Variants in PROM1 observed in about 807,000 individuals in gnomAD.
PROM1 encodes prominin 1.
PROM1 carries 105 observed loss-of-function variants against 116.9 expected under a neutral mutation model. The observed-to-expected ratio is 0.90, with a 90% CI of 0.77 to 1.06. The LOEUF (loss-of-function observed/expected upper bound fraction) is 1.06. PROM1 is among the 50% of genes least tolerant of loss of function. PROM1 has a pLI of 0.00. For missense variants in PROM1, 1,122 were observed against 1,045.2 expected (o/e 1.07, Z -1.01); for synonymous variants, 393 against 387.0 (o/e 1.02, Z -0.18).
intron 2 of PROM1, among the ~76,000 whole-genome samples, chr4:16,071,440 C>G (rs1020921657): frequency 2.0e-4 from 30 of 152,200 alleles, no homozygotes; most frequent in Admixed American, 5.2e-4. Context: ...TCCTGAATAT[C>G]TGTGTCCCCT....
chr4:16,072,357 C>T (rs1743007307), intron 2 of PROM1, among the ~76,000 whole-genome samples: 2 of 152,148 alleles, frequency 1.3e-5, no homozygotes, highest in Admixed American at 1.3e-4. Context: ...AAAGAGGAAG[C>T]ACAGGCTCCA....
intron 2 of PROM1, among the ~76,000 whole-genome samples, chr4:16,051,576 G>A (rs1307282871): frequency 6.6e-6 from 1 of 152,206 alleles, no homozygotes; most frequent in East Asian, 1.9e-4. Context: ...TGCTGAGTGT[G>A]GGGTTTTGGC....
chr4:15,969,100 G>A lies in PROM1; in HGVS notation c.*293C>T, dbSNP rs142451871. ...AATGGGAACAAACACCCCATATGTT[G>A]TAGTGTCTAAATAGAAACTCAGTGT... On this transcript the variant is annotated 3_prime_UTR_variant, in exon 28 of 28. Transcript: ENST00000447510. 1.3e-5 allele frequency: 2 copies of A among 152,302 alleles called. No individual in the cohort carries two copies. The highest frequency in any genetic ancestry group is 1.9e-4 in the East Asian group (1 of 5,176). The allele number at this position is 152,302 out of a possible 1,614,324, so 9.4% of individuals were successfully genotyped here. A position where few individuals can be genotyped will look rare whatever the true frequency, so the allele number is the denominator to read the frequency against.
intron 5 of PROM1, among the ~76,000 whole-genome samples, chr4:16,026,391 A>T (rs971652807): frequency 2.0e-5 from 3 of 152,154 alleles, no homozygotes; most frequent in African/African-American, 7.2e-5. Flanking sequence ...AACATAGCCG[A>T]ACTATTTTTA....
intron 2 of PROM1, among the ~76,000 whole-genome samples, chr4:16,069,234 C>T (rs1306032104): frequency 6.6e-6 from 1 of 151,424 alleles, no homozygotes; most frequent in African/African-American, 2.4e-5. Context: ...GACTCTGCCT[C>T]GAAAAAAACA....
rs550594110 is a variant in PROM1 at position 16,067,264 on chromosome 4, C to T, written c.220+8423G>A. On this transcript the variant is annotated intron_variant, in intron 2 of 27. Transcript: ENST00000447510. ...GCCTCTTAGCCATCAGGGTGTGTGA[C>T]CCTAGACACTCCTTAGCCTCTGAGT... Among the ~76,000 whole-genome samples, 3 of 152,166 alleles carry T rather than the reference C, an allele frequency of 2.0e-5. No homozygotes were observed. In the South Asian group the frequency reaches 6.2e-4, roughly 32 times the overall value.
At position 15,993,981 on chromosome 4, in the gene PROM1, A is replaced by G. The variant is rs1721689362; in HGVS notation, c.1767+6T>C. The stretch of plus-strand genomic sequence containing the variant: ...TTATGTCGATTCCATGACGAGTTCT[A>G]ATTACCTCATTAATGTTGAGATGTT... On this transcript the variant is annotated splice_donor_region_variant and intron_variant, in intron 16 of 27. Coordinates refer to ENST00000447510, the MANE Select transcript of PROM1 (RefSeq NM_006017.3). 4 of 1,608,450 alleles carry G rather than the reference A, an allele frequency of 2.5e-6. No individual in the cohort carries two copies. The highest frequency in any genetic ancestry group is 3.4e-6 in the Non-Finnish European group (4 of 1,175,390).
intron 13 of PROM1, among the ~76,000 whole-genome samples, chr4:16,004,832 T>TCTTCCTTCCTTCCTTC (rs561919636): frequency 7.0e-4 from 86 of 122,600 alleles, no homozygotes; most frequent in African/African-American, 2.3e-3. Flanking sequence ...TCTTTCTTTT[T>TCTTCCTTCCTTCCTTC]CTTCCTTCCT....
chr4:16,026,555 G>A (rs552292264), intron 5 of PROM1, among the ~76,000 whole-genome samples: 1 of 152,250 alleles, frequency 6.6e-6, no homozygotes, highest in East Asian at 1.9e-4. Context: ...CAAAAGCAAT[G>A]TCTTGAGGCT....
intron 2 of PROM1, among the ~76,000 whole-genome samples, chr4:16,062,725 A>T (rs1380875408): frequency 1.3e-5 from 2 of 152,244 alleles, no homozygotes; most frequent in Non-Finnish European, 2.9e-5. Flanking sequence ...AACTTCTAAC[A>T]ATTAACGCCT....
At chr4:15,972,351 A>G (rs4698130) in intron 26 of PROM1, among the ~76,000 whole-genome samples, 85,905 of 152,072 alleles carry the variant, frequency 0.56, 24,519 homozygotes, top group South Asian at 0.7. Flanking sequence ...AAGTCCAAGA[A>G]CCTGGTGCTG....
In PROM1 at chr4:15,993,660, T is replaced by C. The variant is rs149593339; in HGVS notation, c.1767+327A>G. On this transcript the variant is annotated intron_variant, in intron 16 of 27. Coordinates refer to ENST00000447510, the MANE Select transcript of PROM1 (RefSeq NM_006017.3). The stretch of plus-strand genomic sequence containing the variant: ...AGTGAGAGCCTTCCTGAGGAACAAA[T>C]AGGGATTGTTCCCACAAAAACGTCT... Among the ~76,000 whole-genome samples, 7 of 152,218 alleles carry C rather than the reference T, an allele frequency of 4.6e-5. No homozygotes were observed. The East Asian group carries it at 1.2e-3, about 25-fold the overall frequency.
At chr4:16,003,130 G>T (rs1724296276) in intron 13 of PROM1, 1 of 364,356 alleles carries the variant, frequency 2.7e-6, no homozygotes, top group East Asian at 7.4e-5. Context: ...CCTTTCAAAT[G>T]CATTATCTTA....
At chr4:16,015,523 C>CCA (rs1728143078) in intron 10 of PROM1, among the ~76,000 whole-genome samples, 1 of 151,530 alleles carries the variant, frequency 6.6e-6, no homozygotes, top group African/African-American at 2.4e-5. Context: ...AACCTCATCT[C>CCA]CACTAAAAAT....
intron 26 of PROM1, among the ~76,000 whole-genome samples, chr4:15,972,903 G>A (rs1009789056): frequency 6.6e-5 from 10 of 152,124 alleles, no homozygotes; most frequent in African/African-American, 1.9e-4. Context: ...CTGAGCAGCC[G>A]GACAACAGAG....
chr4:15,973,451 C>T (rs1715181878), intron 26 of PROM1, among the ~76,000 whole-genome samples: 1 of 151,776 alleles, frequency 6.6e-6, no homozygotes, highest in South Asian at 2.1e-4. Flanking sequence ...GTGTCTCAAA[C>T]AACAACAACA....
intron 13 of PROM1, among the ~76,000 whole-genome samples, chr4:16,004,424 A>G (rs999878768): frequency 6.6e-6 from 1 of 152,152 alleles, no homozygotes; most frequent in African/African-American, 2.4e-5. Flanking sequence ...TTGAAGCTTG[A>G]TATCACATTT....
intron 5 of PROM1, among the ~76,000 whole-genome samples, chr4:16,027,324 A>AC (rs368009229): frequency 2.0e-5 from 3 of 151,782 alleles, no homozygotes; most frequent in Admixed American, 6.6e-5. Context: ...ACACACACAC[A>AC]AAAGTTGAGT....
intron 6 of PROM1, 75 bp downstream of exon 6, chr4:16,025,117 A>G (rs1401312281): frequency 6.0e-6 from 9 of 1,496,310 alleles, no homozygotes; most frequent in Non-Finnish European, 1.8e-6. Flanking sequence ...TTTGATTGAG[A>G]TTCCAAATAT....
Sources: gnomAD v4.1 joint callset for allele counts (sites outside exome capture counted in the v4.1 genomes callset) on GRCh38, gnomAD v4.1.1 for gene constraint, MANE v1.5 for transcripts, NCBI Gene and HGNC (gene_info 2026-07-23, HGNC 2026-07-21) for gene names.